The following RANBP2 variants were observed in gnomAD, a reference collection of about 807,000 sequenced individuals.
The protein encoded by RANBP2 is E3 SUMO-protein ligase RanBP2.
In RANBP2, 57 loss-of-function variants were observed where a neutral mutation model predicts 303.6. That is an observed-to-expected ratio of 0.19 (90% CI 0.15 to 0.23). RANBP2 has a LOEUF of 0.23. RANBP2 is among the 10% of genes least tolerant of loss of function. The probability of loss-of-function intolerance (pLI) is 1.00; values close to 1 mark genes in which losing one functional copy is unlikely to be tolerated. For synonymous variants in RANBP2, 1,167 were observed against 1,301.5 expected (o/e 0.90, Z 2.23); for missense variants, 3,138 against 3,780.8 (o/e 0.83, Z 4.46).
chr2:109,449,357 A>G, the RANBP2 span: 4 of 1,608,922 alleles, frequency 2.5e-6, no homozygotes, highest in African/African-American at 4.0e-5. Flanking sequence ...CATCAGCAGC[A>G]TCAGCCATCA....
chr2:108,789,581 A>G (rs772371005), downstream of RANBP2, among the ~76,000 whole-genome samples: 27 of 152,170 alleles, frequency 1.8e-4, no homozygotes, highest in Non-Finnish European at 3.2e-4. Context: ...GTGATGAGCA[A>G]AACTGTCCTG....
chr2:109,064,148 T>G, the RANBP2 span, among the ~76,000 whole-genome samples: 4 of 152,206 alleles, frequency 2.6e-5, no homozygotes, highest in Non-Finnish European at 5.9e-5. Context: ...ATTCCCATTT[T>G]AGACATGAAG....
At chr2:109,230,909 G>C in the RANBP2 span, among the ~76,000 whole-genome samples, 1 of 152,168 alleles carries the variant, frequency 6.6e-6, no homozygotes, top group Non-Finnish European at 1.5e-5. Flanking sequence ...CTCCCATCTC[G>C]GCTAAGGGAC....
chr2:109,387,146 G>T, the RANBP2 span, among the ~76,000 whole-genome samples: 1 of 152,170 alleles, frequency 6.6e-6, no homozygotes, highest in Non-Finnish European at 1.5e-5. Flanking sequence ...TCTTTTCTAT[G>T]TATAAATTTA....
the RANBP2 span, chr2:108,930,321 A>C: frequency 3.8e-6 from 6 of 1,594,456 alleles, no homozygotes; most frequent in East Asian, 2.2e-5. Flanking sequence ...CAAGGTTGAC[A>C]TAGGAAGGGG....
the RANBP2 span, among the ~76,000 whole-genome samples, chr2:109,431,741 C>T: frequency 6.6e-6 from 1 of 152,176 alleles, no homozygotes; most frequent in Non-Finnish European, 1.5e-5. Flanking sequence ...CATGGCGGTG[C>T]ACACCTGTGG....
chr2:109,244,505 T>C, the RANBP2 span, among the ~76,000 whole-genome samples: 5 of 152,306 alleles, frequency 3.3e-5, no homozygotes, highest in African/African-American at 1.2e-4. Flanking sequence ...AAATGTGAGA[T>C]TGAAAATTAA....
chr2:109,536,545 G>A, the RANBP2 span, among the ~76,000 whole-genome samples: 1 of 152,182 alleles, frequency 6.6e-6, no homozygotes, highest in Non-Finnish European at 1.5e-5. Context: ...TGATTTTACA[G>A]GCTCATAGGT....
the RANBP2 span, among the ~76,000 whole-genome samples, chr2:109,724,769 A>T: frequency 2.0e-5 from 3 of 152,150 alleles, no homozygotes; most frequent in African/African-American, 7.2e-5. Context: ...CCTCCAGGGA[A>T]GTCAGGACTT....
chr2:109,312,628 A>T, the RANBP2 span, among the ~76,000 whole-genome samples: 47,372 of 151,996 alleles, frequency 0.31, 9,142 homozygotes, highest in African/African-American at 0.55. Context: ...ATCATCCGAT[A>T]CATGGCCCTT....
the RANBP2 span, among the ~76,000 whole-genome samples, chr2:108,799,444 C>T: frequency 1.3e-5 from 2 of 152,220 alleles, no homozygotes; most frequent in Non-Finnish European, 2.9e-5. Flanking sequence ...CTTACGCTCT[C>T]TTGTAGCTAT....
At chr2:109,393,466 C>G in the RANBP2 span, among the ~76,000 whole-genome samples, 2 of 152,206 alleles carry the variant, frequency 1.3e-5, no homozygotes, top group Admixed American at 6.5e-5. Context: ...CCAGGTCGTT[C>G]AGTGCACACT....
chr2:109,366,592 T>A, the RANBP2 span, among the ~76,000 whole-genome samples: 1 of 152,246 alleles, frequency 6.6e-6, no homozygotes. Context: ...TTCATGCCTG[T>A]AATCCCAGCA....
chr2:108,734,849 T>C (rs1000122264), intron 4 of RANBP2, among the ~76,000 whole-genome samples: 2 of 151,746 alleles, frequency 1.3e-5, no homozygotes, highest in African/African-American at 4.8e-5. Flanking sequence ...ATTAAGGAAC[T>C]GAGTAGTCAG....
chr2:108,749,979 G>A (rs1288248297), intron 9 of RANBP2, among the ~76,000 whole-genome samples: 4 of 152,076 alleles, frequency 2.6e-5, no homozygotes, highest in East Asian at 1.9e-4. Context: ...GTGAAACCCC[G>A]TCTCTACTAA....
chr2:108,934,637 T>C, the RANBP2 span, among the ~76,000 whole-genome samples: 1 of 152,084 alleles, frequency 6.6e-6, no homozygotes, highest in Non-Finnish European at 1.5e-5. Flanking sequence ...CTTCTTTCCA[T>C]GTCATAATAT....
chr2:109,535,429 TCA>T, the RANBP2 span, among the ~76,000 whole-genome samples: 2 of 152,100 alleles, frequency 1.3e-5, no homozygotes, highest in African/African-American at 4.8e-5. Context: ...ACTTCCGGCT[TCA>T]CACATTTGAC....
the RANBP2 span, among the ~76,000 whole-genome samples, chr2:109,209,618 T>C: frequency 7.3e-3 from 1,117 of 152,146 alleles, 10 homozygotes; most frequent in South Asian, 0.024. Flanking sequence ...GCTGTGTAGG[T>C]GGGGAGGAAA....
chr2:109,062,722 C>G, the RANBP2 span, among the ~76,000 whole-genome samples: 1 of 151,852 alleles, frequency 6.6e-6, no homozygotes. Flanking sequence ...TCTCGTGAGA[C>G]AGAGCACAGT....
Sources: allele counts gnomAD v4.1 joint callset (sites outside exome capture counted in the v4.1 genomes callset), GRCh38; gene constraint gnomAD v4.1.1; transcripts MANE v1.5; gene names NCBI Gene and HGNC (gene_info 2026-07-23, HGNC 2026-07-21).